The following PRPF8 variants were observed in gnomAD, a reference collection of about 807,000 sequenced individuals.
The protein encoded by PRPF8 is pre-mRNA-processing-splicing factor 8.
Under a neutral mutation model 285.9 loss-of-function variants are expected in PRPF8, and 64 were observed. The ratio of observed to expected loss-of-function variants is 0.22; its 90% CI spans 0.18 to 0.28. The LOEUF (loss-of-function observed/expected upper bound fraction) is 0.28, where lower values mean the gene tolerates loss of function less well. Ranked by LOEUF, PRPF8 falls within the 10% of genes least tolerant of loss-of-function variation. The pLI is 1.00. For missense variants in PRPF8, 1,426 were observed against 3,026.7 expected (o/e 0.47, Z 12.41); for synonymous variants, 1,325 against 1,118.2 (o/e 1.18, Z -3.69).
intron 3 of PRPF8, among the ~76,000 whole-genome samples, 197 bp from the exon 4 acceptor site, chr17:1,682,490 G>A (rs935914322): frequency 2.6e-5 from 4 of 152,026 alleles, no homozygotes; most frequent in African/African-American, 7.2e-5. Context: ...CTTCTTAAAC[G>A]TCATAATCCC....
Position 1,675,708 on chromosome 17 carries a change from A to G in PRPF8, c.2784T>C (p.Tyr928=), listed in dbSNP as rs1349683052. 14 of 1,614,050 alleles carry G rather than the reference A, an allele frequency of 8.7e-6. No individual in the cohort carries two copies. Among genetic ancestry groups the G allele is most frequent in the Non-Finnish European group, 1.2e-5 (14 of 1,180,036 alleles). The change falls in exon 19 of 43, where the codon TAT becomes TAC. Residue 928 remains tyrosine (Y), a synonymous_variant. Transcript: ENST00000304992. This position sits in a 1 kb window ranked among gnomAD's most constrained non-coding sequence, Gnocchi z 6.0. The part of the protein sequence containing the change: ...TDAYLDQYLW[Y]EADKRRLFPP... ...GGAACAGGCGGCGCTTGTCGGCTTCATACCACAGGTACTGGTCCAGGTAAG... is the reference window on the plus strand; with the variant it reads ...GGAACAGGCGGCGCTTGTCGGCTTCGTACCACAGGTACTGGTCCAGGTAAG...
chr17:1,683,377 G>C (rs1251167157), intron 3 of PRPF8, 156 bp downstream of exon 3: 1 of 817,738 alleles, frequency 1.2e-6, no homozygotes, highest in South Asian at 1.5e-5. Context: ...GACTGCAAAA[G>C]TGGAAGATGT....
Position 1,682,140 on chromosome 17 carries a change from G to A in PRPF8, c.423C>T (p.Ile141=), listed in dbSNP as rs1912966119. Residue 141 remains isoleucine (I), a synonymous_variant, in exon 4 of 43, where the codon ATC becomes ATT. Transcript: ENST00000304992. ...EIPWVIEPVY[I]SQWGSMWIMM... is the part of the protein sequence containing the mutation. ...TCAGCCTTTCTCACCCCCACTGGGA[G>A]ATGTAGACAGGTTCAATGACCCAGG... 6.2e-7 allele frequency: 1 copy of A among 1,614,034 alleles called. No individual in the cohort carries two copies. The highest frequency in any genetic ancestry group is 8.5e-7 in the Non-Finnish European group (1 of 1,180,018).
At position 1,679,212 on chromosome 17, in the gene PRPF8, G is replaced by A; in HGVS notation, c.1410-6C>T. On this transcript the variant is annotated splice_region_variant and splice_polypyrimidine_tract_variant and intron_variant, in intron 10 of 42. Coordinates refer to ENST00000304992, the MANE Select transcript of PRPF8 (RefSeq NM_006445.4). This position sits in a 1 kb window ranked among gnomAD's most constrained non-coding sequence, Gnocchi z 4.7. ...TGAAGGAGCGGAACAAATACCTGAG[G>A]TGGGAACATGGAGAGTAAGAGTCAG... 6.2e-7 allele frequency: 1 copy of A among 1,614,208 alleles called. No individual in the cohort carries two copies. The highest frequency in any genetic ancestry group is 8.5e-7 in the Non-Finnish European group (1 of 1,180,040).
intron 29 of PRPF8, 48 bp from the exon 30 acceptor site, chr17:1,660,626 G>A (rs760264870): frequency 1.1e-5 from 17 of 1,613,978 alleles, no homozygotes; most frequent in Admixed American, 3.3e-5. Context: ...AGACTCGGGC[G>A]CTCACGACAT....
At position 1,651,019 on chromosome 17, in the gene PRPF8, T is replaced by A; in HGVS notation, c.6854-63A>T. The A allele has an allele frequency of 6.2e-7, 1 of 1,613,916 alleles. No homozygotes were observed. The highest frequency in any genetic ancestry group is 8.5e-7 in the Non-Finnish European group (1 of 1,179,886). The stretch of plus-strand genomic sequence containing the variant: ...CCTGCCTCATGCAGCCTGCGCCACC[T>A]CCAAGCCAGCCAGGCCCCAAGTGCA... On this transcript the variant is annotated intron_variant, in intron 42 of 42. Coordinates refer to ENST00000304992, the MANE Select transcript of PRPF8 (RefSeq NM_006445.4). The surrounding 1 kb of genome is among the most constrained non-coding windows in gnomAD (Gnocchi z 5.1).
chr17:1,662,446 G>A (rs1195683200), intron 24 of PRPF8, among the ~76,000 whole-genome samples: 1 of 151,506 alleles, frequency 6.6e-6, no homozygotes, highest in South Asian at 2.1e-4. Flanking sequence ...AGAATTAGCC[G>A]GGTGTGGTGG....
chr17:1,676,191 C>T lies in PRPF8; in HGVS notation c.2552+16G>A. 1 of 1,613,224 alleles carries T rather than the reference C, an allele frequency of 6.2e-7. No homozygotes were observed. Among genetic ancestry groups the T allele is most frequent in the Admixed American group, 1.7e-5 (1 of 60,014 alleles). Reference sequence around the variant, plus strand: ...TGTCACCTTCCCAGCAGGAACCTATCTACCCTACTACTCACCTATAAGCTT... The same window carrying T: ...TGTCACCTTCCCAGCAGGAACCTATTTACCCTACTACTCACCTATAAGCTT... On this transcript the variant is annotated intron_variant, in intron 17 of 42. Transcript: ENST00000304992. The surrounding 1 kb of genome is among the most constrained non-coding windows in gnomAD (Gnocchi z 6.3).
intron 21 of PRPF8, 117 bp from the exon 22 acceptor site, chr17:1,674,009 C>A: frequency 9.1e-7 from 1 of 1,104,750 alleles, no homozygotes; most frequent in Non-Finnish European, 1.3e-6. Flanking sequence ...CCTCCCCGGG[C>A]TTCATTCCAT....
At position 1,683,680 on chromosome 17, in the gene PRPF8, T is replaced by C; in HGVS notation, c.122A>G (p.Gln41Arg). 1 of 1,614,094 alleles carries C rather than the reference T, an allele frequency of 6.2e-7. No homozygotes were observed. Among genetic ancestry groups the C allele is most frequent in the Non-Finnish European group, 8.5e-7 (1 of 1,180,022 alleles). ...QEKARKWQQLQAKRYAEKRKF... is the reference protein window; with the variant it reads ...QEKARKWQQLRAKRYAEKRKF... ...CCGCTTTTCTGCATAGCGCTTGGCC[T>C]GCAATTGCTGCCATTTTCGAGCTGG... Residue 41 changes from glutamine to arginine, a missense_variant, in exon 3 of 43, where the codon CAG becomes CGG. This residue lies in a region of PRPF8 where 72 missense variants were observed against 80.0 expected (regional missense o/e 0.90). Transcript: ENST00000304992.
In PRPF8 at chr17:1,651,296, G is replaced by A. The variant is rs1911043965; in HGVS notation, c.6665C>T (p.Ser2222Phe). 1 of 1,614,004 alleles carries A rather than the reference G, an allele frequency of 6.2e-7. No homozygotes were observed. Among genetic ancestry groups the A allele is most frequent in the Admixed American group, 1.7e-5 (1 of 60,000 alleles). ...CAGCTTGTAGGCCGTCAGTGTACAG[G>A]AGCCTGGCGTGAAGCTGGGGGAGGA... The part of the protein sequence containing the change: ...IIITCSFTPG[S>F]CTLTAYKLTP... Residue 2222 changes from serine (S) to phenylalanine (F), a missense_variant, in exon 42 of 43, where the codon TCC becomes TTC. Transcript: ENST00000304992. This position sits in a 1 kb window ranked among gnomAD's most constrained non-coding sequence, Gnocchi z 5.1.
chr17:1,668,363 T>G (rs984828120), intron 24 of PRPF8, among the ~76,000 whole-genome samples: 77 of 143,298 alleles, frequency 5.4e-4, no homozygotes, highest in Middle Eastern at 3.4e-3. Context: ...TCTTTTTTTT[T>G]TTTTTTTTTT....
At chr17:1,671,374 T>C (rs1043577246) in intron 24 of PRPF8, among the ~76,000 whole-genome samples, 8 of 152,156 alleles carry the variant, frequency 5.3e-5, no homozygotes, top group Admixed American at 3.3e-4. Flanking sequence ...GAAATGCTCA[T>C]TGGGGCATTT....
intron 24 of PRPF8, among the ~76,000 whole-genome samples, chr17:1,670,340 G>C (rs1432114740): frequency 6.6e-6 from 1 of 152,140 alleles, no homozygotes; most frequent in Admixed American, 6.6e-5. Flanking sequence ...CACCCACCTA[G>C]TCACCCATGC....
intron 24 of PRPF8, among the ~76,000 whole-genome samples, chr17:1,665,135 G>A (rs1040614656): frequency 3.6e-5 from 5 of 139,934 alleles, no homozygotes; most frequent in South Asian, 4.6e-4. Context: ...ACTCTAGCCC[G>A]GGCGAAAATG....
Position 1,655,400 on chromosome 17 carries a change from G to C in PRPF8, c.5937C>G (p.Val1979=), listed in dbSNP as rs774881508. Residue 1979 remains valine, a synonymous_variant, in exon 37 of 43, where the codon GTC becomes GTG. Coordinates refer to ENST00000304992, the MANE Select transcript of PRPF8 (RefSeq NM_006445.4). ...PTLTDEEWIK[V]EVQLKDLILA... ...AGATCAGATCCTTGAGCTGCACCTCGACCTTGATCCATTCTTCGTCAGTCA... is the reference window on the plus strand; with the variant it reads ...AGATCAGATCCTTGAGCTGCACCTCCACCTTGATCCATTCTTCGTCAGTCA... 1 of 1,613,958 alleles carries C rather than the reference G, an allele frequency of 6.2e-7. No individual in the cohort carries two copies. Among genetic ancestry groups the C allele is most frequent in the Non-Finnish European group, 8.5e-7 (1 of 1,180,030 alleles).
intron 37 of PRPF8, chr17:1,655,095 T>C (rs1012042716): frequency 2.2e-6 from 1 of 462,822 alleles, no homozygotes. Flanking sequence ...GTAGCTGGGA[T>C]TACAGGTAGG....
At chr17:1,678,958 G>A (rs1308044328) in intron 11 of PRPF8, 59 bp downstream of exon 11, 11 of 1,613,536 alleles carry the variant, frequency 6.8e-6, no homozygotes, top group South Asian at 2.2e-5. Context: ...TCAGTAACCA[G>A]AGGAAAACAA....
At chr17:1,682,907 T>C (rs1446140002) in intron 3 of PRPF8, 5 of 177,204 alleles carry the variant, frequency 2.8e-5, no homozygotes, top group African/African-American at 9.6e-5. Flanking sequence ...AACACAGAAT[T>C]CAGGTCCCTG....
Sources: allele counts gnomAD v4.1 joint callset (sites outside exome capture counted in the v4.1 genomes callset), GRCh38; gene constraint gnomAD v4.1.1; regional missense constraint gnomAD v4.1.1; non-coding constraint Gnocchi (gnomAD v3.1); transcripts MANE v1.5; gene names NCBI Gene and HGNC (gene_info 2026-07-23, HGNC 2026-07-21).